The following CMIP variants were observed in gnomAD, a reference collection of about 807,000 sequenced individuals.
The protein encoded by CMIP is c-Maf inducing protein, also known as C-Maf-inducing protein.
In CMIP, 13 loss-of-function variants were observed where a neutral mutation model predicts 97.3. The observed-to-expected ratio is 0.13, with a 90% CI of 0.09 to 0.21. The LOEUF is 0.21. Among genes scored for constraint, CMIP ranks in the 10% least tolerant of loss-of-function variants. The probability of loss-of-function intolerance (pLI) is 1.00; values close to 1 mark genes in which losing one functional copy is unlikely to be tolerated. For synonymous variants in CMIP, 538 were observed against 436.3 expected, an observed-to-expected ratio of 1.23 and a Z score of -2.91; for missense variants, 847 against 1,024.9, an observed-to-expected ratio of 0.83 and a Z score of 2.37.
chr16:81,699,360 G>T (rs189581835), intron 14 of CMIP, among the ~76,000 whole-genome samples: 1 of 152,358 alleles, frequency 6.6e-6, no homozygotes, highest in African/African-American at 2.4e-5. Context: ...TTATACAAAA[G>T]ATACCCTTGC....
chr16:81,656,471 A>C (rs2092483518), intron 4 of CMIP, among the ~76,000 whole-genome samples: 1 of 152,234 alleles, frequency 6.6e-6, no homozygotes, highest in Non-Finnish European at 1.5e-5. Flanking sequence ...CAAAACAGAC[A>C]AGCAAAGCAG....
intron 1 of CMIP, among the ~76,000 whole-genome samples, chr16:81,449,608 C>T (rs534787326): frequency 2.0e-5 from 3 of 151,986 alleles, no homozygotes; most frequent in African/African-American, 7.3e-5. Flanking sequence ...CCCTTCCCCC[C>T]ATGTGCCTAG....
Position 81,675,626 on chromosome 16 carries a change from T to C in CMIP, c.1035-2649T>C, listed in dbSNP as rs1904296615. ...ATTTCTGGGGTATGGCCCAGGAGTC[T>C]GCATTCTAAACAAACTCCACAAGTC... On this transcript the variant is annotated intron_variant, in intron 9 of 20. Coordinates refer to ENST00000537098, the MANE Select transcript of CMIP (RefSeq NM_198390.3). Among the ~76,000 whole-genome samples, 4 of 152,218 alleles carry C rather than the reference T, an allele frequency of 2.6e-5. No homozygotes were observed. In the South Asian group the frequency reaches 8.3e-4, roughly 31 times the overall value.
At chr16:81,457,821 T>A (rs1231035874) in intron 1 of CMIP, among the ~76,000 whole-genome samples, 2 of 152,116 alleles carry the variant, frequency 1.3e-5, no homozygotes, top group Non-Finnish European at 2.9e-5. Flanking sequence ...AGGAGCCCTG[T>A]CCCCATGTCT....
intron 1 of CMIP, chr16:81,464,688 C>T (rs566423652): frequency 1.3e-5 from 2 of 152,366 alleles, no homozygotes; most frequent in East Asian, 1.9e-4. Context: ...ACTTTTTCAT[C>T]ATCCCCAGCA....
chr16:81,456,867 T>G (rs1213426344), intron 1 of CMIP, among the ~76,000 whole-genome samples: 1 of 152,166 alleles, frequency 6.6e-6, no homozygotes, highest in Non-Finnish European at 1.5e-5. Flanking sequence ...CTGACTGCAC[T>G]GGGGCCCCTT....
chr16:81,527,947 C>T (rs1044708573), intron 1 of CMIP, among the ~76,000 whole-genome samples: 1 of 152,206 alleles, frequency 6.6e-6, no homozygotes, highest in East Asian at 1.9e-4. Context: ...TATAGTTAGG[C>T]ATGAGTTGCC....
intron 1 of CMIP, among the ~76,000 whole-genome samples, chr16:81,533,724 C>A (rs1165775257): frequency 6.6e-6 from 1 of 152,184 alleles, no homozygotes; most frequent in Non-Finnish European, 1.5e-5. Flanking sequence ...GGCAGTCCAC[C>A]TGCCTCTGCC....
At chr16:81,478,889 A>G (rs1908088662) in intron 1 of CMIP, among the ~76,000 whole-genome samples, 2 of 151,960 alleles carry the variant, frequency 1.3e-5, no homozygotes, top group Non-Finnish European at 2.9e-5. Flanking sequence ...CCAGCCAGAA[A>G]TTGCCTCCTG....
intron 1 of CMIP, chr16:81,606,870 G>A: frequency 6.4e-6 from 1 of 155,190 alleles, no homozygotes. Context: ...GACCTGGAGA[G>A]TAGAAGCGCA....
chr16:81,644,544 C>T (rs937488056), intron 3 of CMIP, among the ~76,000 whole-genome samples: 1 of 152,154 alleles, frequency 6.6e-6, no homozygotes, highest in Non-Finnish European at 1.5e-5. Context: ...GGTAATGTGA[C>T]AGTCTCTGAT....
In CMIP at chr16:81,474,728, C is replaced by G. The variant is rs549467945; in HGVS notation, c.300+29187C>G. Among the ~76,000 whole-genome samples the G allele has an allele frequency of 1.6e-4, 24 of 152,344 alleles. No individual in the cohort carries two copies. In the East Asian group the frequency reaches 3.9e-3, roughly 24 times the overall value. Reference sequence around the variant, plus strand: ...TGGCCGTGCTCATGGCGCCCTCCTCCTGGGGCTCCCTCTCCTCTGGTCCTG... The same window carrying G: ...TGGCCGTGCTCATGGCGCCCTCCTCGTGGGGCTCCCTCTCCTCTGGTCCTG... On this transcript the variant is annotated intron_variant, in intron 1 of 20. Transcript: ENST00000537098.
At chr16:81,547,943 T>G (rs1418505974) in intron 1 of CMIP, among the ~76,000 whole-genome samples, 1 of 152,140 alleles carries the variant, frequency 6.6e-6, no homozygotes, top group Non-Finnish European at 1.5e-5. Context: ...CCCGAGCAAC[T>G]CGCAGCCTCT....
intron 2 of CMIP, among the ~76,000 whole-genome samples, chr16:81,608,091 G>A (rs2091773945): frequency 6.6e-6 from 1 of 152,194 alleles, no homozygotes; most frequent in Non-Finnish European, 1.5e-5. Context: ...TTGAGTGAGG[G>A]AGTTTCTGAT....
chr16:81,644,220 T>G (rs773203884), intron 3 of CMIP, among the ~76,000 whole-genome samples: 1 of 152,232 alleles, frequency 6.6e-6, no homozygotes, highest in Non-Finnish European at 1.5e-5. Context: ...TGCCCTCCAG[T>G]CATGGTGGTG....
intron 1 of CMIP, among the ~76,000 whole-genome samples, chr16:81,547,117 G>T (rs773376847): frequency 1.7e-4 from 26 of 152,212 alleles, no homozygotes; most frequent in Non-Finnish European, 3.4e-4. Context: ...GCTCCCGGAG[G>T]CAGGGAGGTT....
chr16:81,495,901 T>A (rs994127310), intron 1 of CMIP, among the ~76,000 whole-genome samples: 1 of 152,152 alleles, frequency 6.6e-6, no homozygotes, highest in Non-Finnish European at 1.5e-5. Context: ...TCCTTATCTG[T>A]AAAATGCAGT....
In CMIP at chr16:81,709,237, A is replaced by G. The variant is rs116238179; in HGVS notation, c.2269-509A>G. Among the ~76,000 whole-genome samples, 851 of 152,288 alleles carry G rather than the reference A, an allele frequency of 5.6e-3. 13 individuals are homozygous for G. Among genetic ancestry groups the G allele is most frequent in the African/African-American group, 0.02 (816 of 41,540 alleles). ...GGGATCCACGTCACTCACCCTGTCC[A>G]TTCTCTGATAACGATGAGAATATCA... On this transcript the variant is annotated intron_variant, in intron 20 of 20. Coordinates refer to ENST00000537098, the MANE Select transcript of CMIP (RefSeq NM_198390.3).
chr16:81,651,869 G>A lies in CMIP; in HGVS notation c.478-334G>A, dbSNP rs149203677. Among the ~76,000 whole-genome samples, 83 of 152,244 alleles carry A rather than the reference G, an allele frequency of 5.5e-4. 1 individual carries two copies. In the East Asian group the frequency reaches 0.012, roughly 23 times the overall value. On this transcript the variant is annotated intron_variant, in intron 3 of 20. Coordinates refer to ENST00000537098, the MANE Select transcript of CMIP (RefSeq NM_198390.3). The stretch of plus-strand genomic sequence containing the variant: ...CTGGGCAGATTTTCTAACCTCTTGT[G>A]TACCTCGGTTTCTTCATCCTTTTAG...
Sources: gnomAD v4.1 joint callset for allele counts (sites outside exome capture counted in the v4.1 genomes callset) on GRCh38, gnomAD v4.1.1 for gene constraint, MANE v1.5 for transcripts, NCBI Gene and HGNC (gene_info 2026-07-23, HGNC 2026-07-21) for gene names.